The following DNAH7 variants were observed in gnomAD, a reference collection of about 807,000 sequenced individuals.
DNAH7 encodes the protein dynein axonemal heavy chain 7, also known as axonemal beta dynein heavy chain 7.
A neutral mutation model predicts 444.6 loss-of-function variants in DNAH7; 397 were observed. The ratio of observed to expected loss-of-function variants is 0.89; its 90% CI spans 0.82 to 0.97. The LOEUF is 0.97. DNAH7 is among the 50% of genes least tolerant of loss of function. DNAH7 has a pLI of 0.00. For missense variants in DNAH7, 4,902 were observed against 4,800.8 expected (o/e 1.02, Z -0.62); for synonymous variants, 1,636 against 1,624.4 (o/e 1.01, Z -0.17).
chr2:195,793,026 C>T (rs926401342), intron 57 of DNAH7, among the ~76,000 whole-genome samples: 1 of 152,088 alleles, frequency 6.6e-6, no homozygotes, highest in African/African-American at 2.4e-5. Flanking sequence ...AACTCCTGGG[C>T]TCCAGCGATC....
chr2:195,769,426 GC>G (rs1694736569), intron 61 of DNAH7, among the ~76,000 whole-genome samples: 1 of 151,828 alleles, frequency 6.6e-6, no homozygotes, highest in Admixed American at 6.6e-5. Flanking sequence ...TGCTGAGAAT[GC>G]CTTTAAGATT....
chr2:196,005,223 A>G (rs1575000798), intron 10 of DNAH7, among the ~76,000 whole-genome samples: 2 of 151,880 alleles, frequency 1.3e-5, no homozygotes, highest in South Asian at 2.1e-4. Flanking sequence ...GCGGTGAGCC[A>G]AGATGGCACC....
At chr2:195,941,554 C>T (rs926751372) in intron 19 of DNAH7, among the ~76,000 whole-genome samples, 2 of 150,274 alleles carry the variant, frequency 1.3e-5, no homozygotes, top group Non-Finnish European at 3.0e-5. Context: ...GCACATGTAT[C>T]CCCAAACTTA....
At position 195,894,989 on chromosome 2, in the gene DNAH7, T is replaced by C. The variant is rs576783072; in HGVS notation, c.4883A>G (p.Asp1628Gly). The change falls in exon 30 of 65, where the codon GAT (aspartate) becomes GGT (glycine). Residue 1628 changes from aspartate to glycine, a missense_variant. Physicochemically the swap from Asp to Gly is moderately conservative, Grantham distance 94. Coordinates refer to ENST00000312428, the MANE Select transcript of DNAH7 (RefSeq NM_018897.3). ...AYRVLAGALN[D>G]ICEKGLMEEN... ...TAATATACTTGCCTTTTCACATATA[T>C]CATTTAGTGCTCCAGCTAAGACACG... 1 of 1,605,196 alleles carries C rather than the reference T, an allele frequency of 6.2e-7. No individual in the cohort carries two copies. Among genetic ancestry groups the C allele is most frequent in the South Asian group, 1.1e-5 (1 of 89,072 alleles).
chr2:195,911,389 TC>T, intron 24 of DNAH7, among the ~76,000 whole-genome samples: 1 of 152,190 alleles, frequency 6.6e-6, no homozygotes, highest in Non-Finnish European at 1.5e-5. Flanking sequence ...TGAAAATTAC[TC>T]AAAGAGATAC....
intron 64 of DNAH7, among the ~76,000 whole-genome samples, chr2:195,740,282 G>A (rs183119722): frequency 1.3e-5 from 2 of 152,150 alleles, no homozygotes; most frequent in African/African-American, 4.8e-5. Flanking sequence ...ACTGCGCCCA[G>A]CCAGTGCTAA....
At chr2:195,798,582 C>T (rs993164377) in intron 55 of DNAH7, among the ~76,000 whole-genome samples, 42 of 126,776 alleles carry the variant, frequency 3.3e-4, no homozygotes, top group African/African-American at 1.1e-3. Flanking sequence ...CTCACTCTGT[C>T]GCCCAGGCTG....
At chr2:195,756,347 AC>A (rs1249990098) in intron 61 of DNAH7, 62 bp from the exon 62 acceptor site, 5 of 1,362,130 alleles carry the variant, frequency 3.7e-6, no homozygotes, top group African/African-American at 3.0e-5. Context: ...ATAAGCAACC[AC>A]CTTTTAAATA....
Position 195,934,409 on chromosome 2 carries a change from T to C in DNAH7, c.3471+182A>G, listed in dbSNP as rs567223107. 5.3e-5 allele frequency among the ~76,000 whole-genome samples: 8 copies of C among 152,360 alleles called. No homozygotes were observed. The East Asian group carries it at 1.5e-3, about 29-fold the overall frequency. On this transcript the variant is annotated intron_variant, in intron 21 of 64. Coordinates refer to ENST00000312428, the MANE Select transcript of DNAH7 (RefSeq NM_018897.3). ...ATGGTATTTTGTCCCACTTTTCCAGTGAGTCACTACAAAATTACTATCATA... is the reference window on the plus strand; with the variant it reads ...ATGGTATTTTGTCCCACTTTTCCAGCGAGTCACTACAAAATTACTATCATA...
At chr2:195,949,102 G>A (rs1004450727) in intron 19 of DNAH7, among the ~76,000 whole-genome samples, 1 of 152,060 alleles carries the variant, frequency 6.6e-6, no homozygotes, top group African/African-American at 2.4e-5. Context: ...TCTATTATTG[G>A]TATATAGGAA....
At chr2:195,969,731 T>C (rs1691716728) in intron 17 of DNAH7, among the ~76,000 whole-genome samples, 2 of 152,174 alleles carry the variant, frequency 1.3e-5, no homozygotes, top group Admixed American at 1.3e-4. Context: ...ACTCTATCTT[T>C]AACATAGGAA....
chr2:195,869,441 C>G (rs1488646023), intron 40 of DNAH7, among the ~76,000 whole-genome samples: 1 of 151,800 alleles, frequency 6.6e-6, no homozygotes, highest in Non-Finnish European at 1.5e-5. Context: ...GGCTTGCCTG[C>G]TATCTGAGGG....
intron 12 of DNAH7, chr2:195,994,651 T>G (rs756852833): frequency 2.9e-5 from 15 of 511,082 alleles, no homozygotes; most frequent in Non-Finnish European, 5.4e-5. Context: ...AGGCTCTCTA[T>G]TGAGTAAAGT....
chr2:195,845,672 T>C (rs961217193), intron 46 of DNAH7, among the ~76,000 whole-genome samples: 1 of 152,088 alleles, frequency 6.6e-6, no homozygotes, highest in South Asian at 2.1e-4. Context: ...CATAGATGAA[T>C]GGAACAGAAT....
intron 48 of DNAH7, among the ~76,000 whole-genome samples, chr2:195,825,419 C>T (rs1697691908): frequency 6.6e-6 from 1 of 152,090 alleles, no homozygotes; most frequent in Non-Finnish European, 1.5e-5. Context: ...TTTGACTTAA[C>T]AGCATAAATG....
intron 15 of DNAH7, among the ~76,000 whole-genome samples, chr2:195,982,811 A>C (rs1423988170): frequency 6.6e-6 from 1 of 152,180 alleles, no homozygotes; most frequent in Admixed American, 6.5e-5. Context: ...AAGGATGGTT[A>C]CCAGAGGTTG....
At chr2:195,778,068 T>A (rs868525426) in intron 58 of DNAH7, 83 bp from the exon 59 acceptor site, 38 of 1,284,602 alleles carry the variant, frequency 3.0e-5, no homozygotes, top group Middle Eastern at 3.9e-4. Context: ...ATTACTAAAT[T>A]AAACATCTTA....
chr2:195,769,199 T>C (rs557143109), intron 61 of DNAH7, among the ~76,000 whole-genome samples: 2 of 152,254 alleles, frequency 1.3e-5, no homozygotes, highest in African/African-American at 4.8e-5. Context: ...TGCTTCAAAG[T>C]AATCTATGCT....
chr2:195,971,449 A>G (rs540527724), intron 16 of DNAH7, among the ~76,000 whole-genome samples: 30 of 152,328 alleles, frequency 2.0e-4, no homozygotes, highest in African/African-American at 7.0e-4. Context: ...ACTTACAAAC[A>G]CTAACATAAT....
Sources: gnomAD v4.1 joint callset for allele counts (sites outside exome capture counted in the v4.1 genomes callset) on GRCh38, gnomAD v4.1.1 for gene constraint, MANE v1.5 for transcripts, NCBI Gene and HGNC (gene_info 2026-07-23, HGNC 2026-07-21) for gene names.